AKT3: variants seen among roughly 807,000 people sequenced by gnomAD.
AKT3 encodes RAC-gamma serine/threonine-protein kinase.
In AKT3, 15 loss-of-function variants were observed where a neutral mutation model predicts 65.3. That is an observed-to-expected ratio of 0.23 (90% CI 0.15 to 0.35). AKT3 has a LOEUF of 0.35. AKT3 is among the 10% of genes least tolerant of loss of function. The pLI is 1.00. For synonymous variants in AKT3, 206 were observed against 183.8 expected (o/e 1.12, Z -0.98); for missense variants, 243 against 576.5 (o/e 0.42, Z 5.92).
At chr1:243,729,253 AGG>A (rs1687398481) in intron 2 of AKT3, among the ~76,000 whole-genome samples, 1 of 152,170 alleles carries the variant, frequency 6.6e-6, no homozygotes, top group Non-Finnish European at 1.5e-5. Flanking sequence ...ATATGTCAAG[AGG>A]GGGCTTTTCT....
At chr1:243,785,811 A>G (rs1691225423) in intron 2 of AKT3, among the ~76,000 whole-genome samples, 1 of 152,234 alleles carries the variant, frequency 6.6e-6, no homozygotes, top group African/African-American at 2.4e-5. Context: ...AAACTTTAAA[A>G]TGACTGCAGG....
chr1:243,834,625 A>G (rs1163853787), intron 2 of AKT3, among the ~76,000 whole-genome samples: 1 of 152,066 alleles, frequency 6.6e-6, no homozygotes, highest in East Asian at 1.9e-4. Flanking sequence ...AACTACCTAT[A>G]GGGTACTATG....
intron 5 of AKT3, among the ~76,000 whole-genome samples, chr1:243,639,604 G>A (rs1254073473): frequency 6.6e-6 from 1 of 152,100 alleles, no homozygotes; most frequent in Non-Finnish European, 1.5e-5. Flanking sequence ...TGCCATGACA[G>A]TTTACAAATG....
intron 2 of AKT3, among the ~76,000 whole-genome samples, chr1:243,839,840 A>T (rs1306154120): frequency 6.6e-6 from 1 of 151,088 alleles, no homozygotes; most frequent in Non-Finnish European, 1.5e-5. Flanking sequence ...GTTGTTGTTG[A>T]TGAGACGGAG....
intron 2 of AKT3, among the ~76,000 whole-genome samples, chr1:243,753,667 A>C (rs983923393): frequency 6.6e-5 from 10 of 152,156 alleles, no homozygotes; most frequent in African/African-American, 2.4e-4. Flanking sequence ...TTCTTCTAGG[A>C]GTTGTAACCA....
chr1:243,718,881 C>T (rs61833217), intron 2 of AKT3, among the ~76,000 whole-genome samples: 2,100 of 152,180 alleles, frequency 0.014, 32 homozygotes, highest in Non-Finnish European at 0.021. Flanking sequence ...GTAAATTTCA[C>T]CTATATTTAG....
chr1:243,642,598 C>A (rs186320160), intron 5 of AKT3, among the ~76,000 whole-genome samples: 3 of 152,176 alleles, frequency 2.0e-5, no homozygotes, highest in East Asian at 3.9e-4. Context: ...CGTGAGCCAC[C>A]ACGCCCAGCC....
At chr1:243,724,497 C>T (rs369516051) in intron 2 of AKT3, among the ~76,000 whole-genome samples, 2 of 152,016 alleles carry the variant, frequency 1.3e-5, no homozygotes, top group Admixed American at 6.6e-5. Context: ...TTTTTTCCTA[C>T]ATTATAAGAC....
chr1:243,633,265 C>T (rs1016790757), intron 6 of AKT3, among the ~76,000 whole-genome samples: 1 of 151,984 alleles, frequency 6.6e-6, no homozygotes, highest in Non-Finnish European at 1.5e-5. Context: ...TATATTAAAC[C>T]CTTCAGGTTT....
rs558616545 is a variant in AKT3, at chr1:243,768,686, T to C, written c.47-72970A>G. Among the ~76,000 whole-genome samples the C allele has an allele frequency of 7.2e-5, 11 of 152,080 alleles. No homozygotes were observed. In the South Asian group the frequency reaches 2.3e-3, roughly 32 times the overall value. On this transcript the variant is annotated intron_variant, in intron 2 of 13. Transcript: ENST00000673466. Reference sequence around the variant, plus strand: ...TCCATCTCTACTAAAAATACAAAAATGAGCTGGGTGTAGAGGCATGCGCCT... The same window carrying C: ...TCCATCTCTACTAAAAATACAAAAACGAGCTGGGTGTAGAGGCATGCGCCT...
intron 11 of AKT3, 155 bp from the exon 12 acceptor site, chr1:243,545,752 T>C: frequency 1.7e-6 from 1 of 579,686 alleles, no homozygotes; most frequent in East Asian, 2.8e-5. Context: ...ATAAGATCTA[T>C]TTTTCCTAAT....
rs1669344837 is a variant in AKT3 at position 243,501,953 on chromosome 1, T to TA, written c.*3295dup. On this transcript the variant is annotated 3_prime_UTR_variant, in exon 14 of 14. Coordinates refer to ENST00000673466, the MANE Select transcript of AKT3 (RefSeq NM_005465.7). The stretch of plus-strand genomic sequence containing the variant: ...TTAGTATGACCAACAGTAATAGTAA[T>TA]ACAGTTTCTTGGGTTTATAGTTGCA... The TA allele has an allele frequency of 4.3e-6, 1 of 232,588 alleles. No individual in the cohort carries two copies. Among genetic ancestry groups the TA allele is most frequent in the Non-Finnish European group, 8.5e-6 (1 of 117,772 alleles). 14.4% of individuals were successfully genotyped at this position (232,588 alleles called of 1,614,324 possible). A position where few individuals can be genotyped will look rare whatever the true frequency, so the allele number is the denominator to read the frequency against.
intron 2 of AKT3, among the ~76,000 whole-genome samples, chr1:243,773,741 A>T (rs1037468979): frequency 4.6e-5 from 7 of 152,218 alleles, no homozygotes; most frequent in Non-Finnish European, 7.3e-5. Context: ...ACTAGCATAT[A>T]AGCATTTAAC....
intron 5 of AKT3, among the ~76,000 whole-genome samples, chr1:243,641,343 T>A (rs1421794084): frequency 5.3e-5 from 8 of 150,894 alleles, no homozygotes; most frequent in African/African-American, 1.5e-4. Flanking sequence ...TATTATTAAT[T>A]CTGTCCCTCT....
In AKT3 at chr1:243,504,613, A is replaced by T. The variant is rs1023692736; in HGVS notation, c.*636T>A. 1 of 178,842 alleles carries T rather than the reference A, an allele frequency of 5.6e-6. No homozygotes were observed. Among genetic ancestry groups the T allele is most frequent in the African/African-American group, 2.4e-5 (1 of 41,394 alleles). The allele number at this position is 178,842 out of a possible 1,614,324, so 11.1% of individuals were successfully genotyped here. On this transcript the variant is annotated 3_prime_UTR_variant, in exon 14 of 14. Coordinates refer to ENST00000673466, the MANE Select transcript of AKT3 (RefSeq NM_005465.7). ...GATATGGGCTTCTTCTACAGTATCCACCAGGAATTTAAAAAAAAAAAATTA... is the reference window on the plus strand; with the variant it reads ...GATATGGGCTTCTTCTACAGTATCCTCCAGGAATTTAAAAAAAAAAAATTA...
At chr1:243,495,277 G>C (rs959598188), downstream of AKT3, among the ~76,000 whole-genome samples, 1 of 152,208 alleles carries the variant, frequency 6.6e-6, no homozygotes, top group Non-Finnish European at 1.5e-5. Context: ...AGTCCAGCTC[G>C]AGATGCTGTC....
intron 2 of AKT3, among the ~76,000 whole-genome samples, chr1:243,831,639 A>G (rs1694515320): frequency 6.6e-6 from 1 of 152,172 alleles, no homozygotes; most frequent in African/African-American, 2.4e-5. Flanking sequence ...TTACTCAAAG[A>G]GAGAAAACAC....
At chr1:243,632,875 T>C (rs890247893) in intron 6 of AKT3, among the ~76,000 whole-genome samples, 1 of 152,148 alleles carries the variant, frequency 6.6e-6, no homozygotes, top group Non-Finnish European at 1.5e-5. Context: ...CTTCCTTACT[T>C]CTCTCACCCT....
At chr1:243,768,575 C>A (rs1017102618) in intron 2 of AKT3, among the ~76,000 whole-genome samples, 2 of 152,102 alleles carry the variant, frequency 1.3e-5, no homozygotes, top group South Asian at 4.1e-4. Flanking sequence ...TGGTGGCTCA[C>A]GCCTGTAATC....
Sources: gnomAD v4.1 joint callset for allele counts (sites outside exome capture counted in the v4.1 genomes callset) on GRCh38, gnomAD v4.1.1 for gene constraint, MANE v1.5 for transcripts, NCBI Gene and HGNC (gene_info 2026-07-23, HGNC 2026-07-21) for gene names.